ARSB: variants seen among roughly 807,000 people sequenced by gnomAD.
ARSB encodes the protein N-acetylgalactosamine-4-sulfatase.
A neutral mutation model predicts 50.9 loss-of-function variants in ARSB; 41 were observed. The observed-to-expected ratio is 0.81, with a 90% CI of 0.63 to 1.04. ARSB has a LOEUF of 1.04. Among genes scored for constraint, ARSB ranks in the 50% least tolerant of loss-of-function variants. The pLI is 0.00. For missense variants in ARSB, 672 were observed against 693.3 expected (o/e 0.97, Z 0.35); for synonymous variants, 269 against 284.8 (o/e 0.94, Z 0.56).
intron 1 of ARSB, among the ~76,000 whole-genome samples, chr5:78,982,743 A>G (rs1752963387): frequency 6.6e-6 from 1 of 152,184 alleles, no homozygotes; most frequent in South Asian, 2.1e-4. Flanking sequence ...CCTTCCCTGA[A>G]ATTTCTACTT....
In ARSB at chr5:78,777,626, G is replaced by T. The variant is rs1748805872; in HGVS notation, c.*2771C>A. ...CCAGTGCTTTGGGAAGCTGAAGTGG[G>T]TGGATCACTTGAGGTCAGGAGTTTG... is the stretch of plus-strand genomic sequence containing the variant. On this transcript the variant is annotated 3_prime_UTR_variant, in exon 8 of 8. Coordinates refer to ENST00000264914, the MANE Select transcript of ARSB (RefSeq NM_000046.5). 1 of 152,534 alleles carries T rather than the reference G, an allele frequency of 6.6e-6. No homozygotes were observed. Among genetic ancestry groups the T allele is most frequent in the African/African-American group, 2.4e-5 (1 of 41,426 alleles). The allele number at this position is 152,534 out of a possible 1,614,324, so 9.4% of individuals were successfully genotyped here. A position where few individuals can be genotyped will look rare whatever the true frequency, so the allele number is the denominator to read the frequency against.
chr5:78,937,211 T>C (rs186951837), intron 4 of ARSB, among the ~76,000 whole-genome samples: 120 of 150,858 alleles, frequency 8.0e-4, no homozygotes, highest in Non-Finnish European at 1.5e-3. Context: ...TTGGAAAGTT[T>C]CTTGCAATTT....
At chr5:78,797,330 G>A (rs1444902796) in intron 6 of ARSB, among the ~76,000 whole-genome samples, 1 of 152,038 alleles carries the variant, frequency 6.6e-6, no homozygotes, top group African/African-American at 2.4e-5. Flanking sequence ...CAATGTTTTC[G>A]TTCCTCTAGT....
intron 1 of ARSB, among the ~76,000 whole-genome samples, chr5:78,979,462 A>G (rs2112563295): frequency 6.6e-6 from 1 of 152,366 alleles, no homozygotes; most frequent in East Asian, 1.9e-4. Context: ...GAGTTACCAC[A>G]TGATACTAAG....
chr5:78,984,567 C>T (rs1215608974), intron 1 of ARSB, among the ~76,000 whole-genome samples: 1 of 152,242 alleles, frequency 6.6e-6, no homozygotes, highest in Non-Finnish European at 1.5e-5. Context: ...CTCGTCTTTG[C>T]TCCCAGCCCA....
intron 4 of ARSB, among the ~76,000 whole-genome samples, chr5:78,936,354 C>T (rs138248505): frequency 0.049 from 7,492 of 151,414 alleles, 267 homozygotes; most frequent in East Asian, 0.15. Flanking sequence ...GAACTCCTGA[C>T]CTCAAGTGAT....
intron 4 of ARSB, among the ~76,000 whole-genome samples, chr5:78,938,997 C>A (rs1197030775): frequency 6.6e-6 from 1 of 152,212 alleles, no homozygotes; most frequent in African/African-American, 2.4e-5. Flanking sequence ...ATGGAAACTT[C>A]ACCCTCAAGT....
At chr5:78,791,666 G>A (rs547147796) in intron 6 of ARSB, among the ~76,000 whole-genome samples, 3 of 152,352 alleles carry the variant, frequency 2.0e-5, no homozygotes, top group South Asian at 2.1e-4. Context: ...CTCTCATCTC[G>A]CTGTGTGGTA....
intron 1 of ARSB, among the ~76,000 whole-genome samples, chr5:78,978,546 C>A (rs1752762836): frequency 6.6e-6 from 1 of 151,836 alleles, no homozygotes; most frequent in Non-Finnish European, 1.5e-5. Flanking sequence ...CCGAGAATAG[C>A]CAAACTATCT....
Position 78,841,168 on chromosome 5 carries a change from C to CTACTACTACTAATAATAA in ARSB, c.1143-1743_1143-1742insTTATTATTAGTAGTAGTA, listed in dbSNP as rs368030435. Among the ~76,000 whole-genome samples the CTACTACTACTAATAATAA allele has an allele frequency of 5.4e-3, 719 of 131,982 alleles. 4 individuals carry two copies. The highest frequency in any genetic ancestry group is 6.6e-3 in the African/African-American group (231 of 35,054). 86.6% of individuals were successfully genotyped at this position (131,982 alleles called of 152,430 possible). On this transcript the variant is annotated intron_variant, in intron 5 of 7. Coordinates refer to ENST00000264914, the MANE Select transcript of ARSB (RefSeq NM_000046.5). ...ACTACTACTACTACTACTACTACTA[C>CTACTACTACTAATAATAA]TAATAATAATAATAATTTGAGCATG...
chr5:78,909,942 C>T (rs750097177), intron 4 of ARSB, among the ~76,000 whole-genome samples: 28 of 152,212 alleles, frequency 1.8e-4, no homozygotes, highest in Non-Finnish European at 3.1e-4. Flanking sequence ...GAAAAGCCGC[C>T]CTGTGGCGGG....
rs187514649 is a variant in ARSB at position 78,977,563 on chromosome 5, C to T, written c.312+7374G>A. Among the ~76,000 whole-genome samples, 1,444 of 152,270 alleles carry T rather than the reference C, an allele frequency of 9.5e-3. 22 individuals carry two copies. Among genetic ancestry groups the T allele is most frequent in the Non-Finnish European group, 0.011 (737 of 68,024 alleles). On this transcript the variant is annotated intron_variant, in intron 1 of 7. Coordinates refer to ENST00000264914, the MANE Select transcript of ARSB (RefSeq NM_000046.5). ...GAGTACAGTGGCGTAACTTGCTGCT[C>T]AGTAAACATTTGTTGAATGAAAGAA...
chr5:78,856,004 T>C (rs568594707), intron 5 of ARSB, among the ~76,000 whole-genome samples: 3 of 152,246 alleles, frequency 2.0e-5, no homozygotes, highest in Non-Finnish European at 4.4e-5. Context: ...TTCATTGTTC[T>C]GGCTATCTTT....
intron 6 of ARSB, among the ~76,000 whole-genome samples, chr5:78,784,798 C>CTTTTTTTTTTTTTTTTTTTTT: frequency 8.0e-6 from 1 of 124,864 alleles, no homozygotes; most frequent in South Asian, 2.6e-4. Flanking sequence ...TTTTATTAGT[C>CTTTTTTTTTTTTTTTTTTTTT]TTTTTTTTTT....
intron 5 of ARSB, among the ~76,000 whole-genome samples, chr5:78,866,047 AG>A (rs1208759742): frequency 1.3e-5 from 2 of 152,174 alleles, no homozygotes; most frequent in Admixed American, 1.3e-4. Flanking sequence ...CCTATTACCC[AG>A]TTCCAAAGTG....
At chr5:78,947,170 C>T (rs527742083) in intron 4 of ARSB, among the ~76,000 whole-genome samples, 1 of 151,866 alleles carries the variant, frequency 6.6e-6, no homozygotes, top group African/African-American at 2.4e-5. Context: ...ACAAACTATG[C>T]AACTACTAAT....
At chr5:78,904,311 T>C in intron 4 of ARSB, among the ~76,000 whole-genome samples, 1 of 152,232 alleles carries the variant, frequency 6.6e-6, no homozygotes, top group East Asian at 1.9e-4. Flanking sequence ...TGGGTATTGT[T>C]TTTTGTGTGA....
At chr5:78,790,009 G>A (rs964533513) in intron 6 of ARSB, among the ~76,000 whole-genome samples, 5 of 152,140 alleles carry the variant, frequency 3.3e-5, no homozygotes, top group South Asian at 2.1e-4. Flanking sequence ...CACAAACAGC[G>A]CTGTAGGGTG....
chr5:78,904,981 C>A (rs745344380), intron 4 of ARSB, among the ~76,000 whole-genome samples: 1 of 152,150 alleles, frequency 6.6e-6, no homozygotes, highest in Non-Finnish European at 1.5e-5. Flanking sequence ...CGAGCCACCA[C>A]GACCAGCCCA....
Sources: allele counts gnomAD v4.1 joint callset (sites outside exome capture counted in the v4.1 genomes callset), GRCh38; gene constraint gnomAD v4.1.1; transcripts MANE v1.5; gene names NCBI Gene and HGNC (gene_info 2026-07-23, HGNC 2026-07-21).